MTUS2: variants seen among roughly 807,000 people sequenced by gnomAD.
The protein encoded by MTUS2 is microtubule associated scaffold protein 2.
Under a neutral mutation model 114.1 loss-of-function variants are expected in MTUS2, and 40 were observed. The ratio of observed to expected loss-of-function variants is 0.35; its 90% CI spans 0.27 to 0.46. The LOEUF (loss-of-function observed/expected upper bound fraction) is 0.46, where lower values mean the gene tolerates loss of function less well. MTUS2 is among the 20% of genes least tolerant of loss of function. MTUS2 has a pLI of 1.00. For synonymous variants in MTUS2, 688 were observed against 672.0 expected, an observed-to-expected ratio of 1.02 and a Z score of -0.37; for missense variants, 1,679 against 1,705.4, an observed-to-expected ratio of 0.98 and a Z score of 0.27.
rs143395846 is a variant in MTUS2, at chr13:28,923,132, C to T, written c.-243+83282C>T. On this transcript the variant is annotated intron_variant, in intron 2 of 15. Transcript: ENST00000612955. ...TCATTTCTGCTTCCTTATCGATCCC[C>T]GAATTAAAACAAATTCTGCTGTTGT... Among the ~76,000 whole-genome samples the T allele has an allele frequency of 2.0e-3, 299 of 152,134 alleles. 2 individuals carry two copies. Among genetic ancestry groups the T allele is most frequent in the African/African-American group, 6.5e-3 (269 of 41,496 alleles).
At position 28,935,422 on chromosome 13, in the gene MTUS2, C is replaced by T. The variant is rs563389737; in HGVS notation, c.-242-89035C>T. On this transcript the variant is annotated intron_variant, in intron 2 of 15. Transcript: ENST00000612955. ...TTGTACCAATTTACACTACTGTGAG[C>T]AGTGTTTGTACTTCTACTTGTTCTA... 3.3e-5 allele frequency among the ~76,000 whole-genome samples: 5 copies of T among 152,066 alleles called. 1 individual carries two copies. In the South Asian group the frequency reaches 1.0e-3, roughly 32 times the overall value.
chr13:29,116,787 C>G (rs1891107002), intron 5 of MTUS2, among the ~76,000 whole-genome samples: 1 of 152,036 alleles, frequency 6.6e-6, no homozygotes, highest in South Asian at 2.1e-4. Flanking sequence ...TCTCCCAGAC[C>G]AAGGGATGAT....
In MTUS2 at chr13:29,288,205, T is replaced by G. The variant is rs1414356; in HGVS notation, c.2806+6340T>G. ...TAAGTTGGAGATTTCCATGTGGAAT[T>G]CATGGGCTTATCCTTGTGGCTCTGG... On this transcript the variant is annotated intron_variant, in intron 6 of 15. Coordinates refer to ENST00000612955, the MANE Select transcript of MTUS2 (RefSeq NM_001033602.4). Among the ~76,000 whole-genome samples, 822 of 152,290 alleles carry G rather than the reference T, an allele frequency of 5.4e-3. 7 individuals are homozygous for G. The highest frequency in any genetic ancestry group is 0.019 in the African/African-American group (790 of 41,568).
chr13:29,411,579 T>C (rs1406861557), intron 8 of MTUS2, among the ~76,000 whole-genome samples: 1 of 152,216 alleles, frequency 6.6e-6, no homozygotes, highest in Non-Finnish European at 1.5e-5. Flanking sequence ...AAATGAACTT[T>C]AGTATCAATA....
intron 5 of MTUS2, among the ~76,000 whole-genome samples, chr13:29,172,154 C>A (rs975531085): frequency 6.6e-6 from 1 of 152,172 alleles, no homozygotes; most frequent in African/African-American, 2.4e-5. Context: ...GAGTCTATGT[C>A]TGGAATCTCA....
At chr13:29,321,803 T>TA in intron 6 of MTUS2, among the ~76,000 whole-genome samples, 1 of 152,352 alleles carries the variant, frequency 6.6e-6, no homozygotes, top group African/African-American at 2.4e-5. Flanking sequence ...AAAAGTTTGG[T>TA]ACCTTATCTT....
intron 5 of MTUS2, among the ~76,000 whole-genome samples, chr13:29,267,338 T>A (rs1897703654): frequency 6.6e-6 from 1 of 152,172 alleles, no homozygotes; most frequent in African/African-American, 2.4e-5. Flanking sequence ...CCTTCCAAAG[T>A]GGGTTTCCCC....
At chr13:29,178,007 A>G (rs1893845841) in intron 5 of MTUS2, among the ~76,000 whole-genome samples, 1 of 152,190 alleles carries the variant, frequency 6.6e-6, no homozygotes, top group Non-Finnish European at 1.5e-5. Flanking sequence ...GGGTCTTGGC[A>G]ACACATAAAA....
chr13:29,052,580 A>G (rs965652879), intron 4 of MTUS2, among the ~76,000 whole-genome samples: 4 of 152,188 alleles, frequency 2.6e-5, no homozygotes, highest in Non-Finnish European at 5.9e-5. Context: ...AAAGCCTCTG[A>G]ATGGCTTACT....
At chr13:28,846,409 C>T (rs1024979044) in intron 2 of MTUS2, among the ~76,000 whole-genome samples, 6 of 152,206 alleles carry the variant, frequency 3.9e-5, no homozygotes, top group East Asian at 1.9e-4. Context: ...TCAGTTCACT[C>T]AAGCGTTTTA....
intron 2 of MTUS2, among the ~76,000 whole-genome samples, chr13:29,019,794 T>C (rs1886218149): frequency 6.6e-6 from 1 of 152,246 alleles, no homozygotes; most frequent in African/African-American, 2.4e-5. Context: ...TGTGCATAGC[T>C]CTGGTCACCT....
intron 7 of MTUS2, among the ~76,000 whole-genome samples, chr13:29,340,040 G>T: frequency 6.6e-6 from 1 of 152,254 alleles, no homozygotes; most frequent in East Asian, 1.9e-4. Flanking sequence ...CTTGGTGACC[G>T]TTGGAATCAG....
chr13:29,342,870 G>A (rs1407185682), intron 7 of MTUS2, among the ~76,000 whole-genome samples: 1 of 152,020 alleles, frequency 6.6e-6, no homozygotes, highest in African/African-American at 2.4e-5. Flanking sequence ...AATCATAAAG[G>A]GATGGTGGAT....
intron 6 of MTUS2, among the ~76,000 whole-genome samples, chr13:29,295,532 T>C (rs1055009536): frequency 1.3e-5 from 2 of 152,218 alleles, no homozygotes; most frequent in African/African-American, 4.8e-5. Flanking sequence ...TTTATCTTTG[T>C]GTGCTTGGCT....
chr13:29,330,027 T>C (rs1265826007), intron 7 of MTUS2, among the ~76,000 whole-genome samples: 1 of 152,228 alleles, frequency 6.6e-6, no homozygotes, highest in African/African-American at 2.4e-5. Flanking sequence ...CACCACATTG[T>C]CTTCCACAAT....
chr13:29,428,926 C>A, intron 8 of MTUS2: 1 of 1,608,608 alleles, frequency 6.2e-7, no homozygotes, highest in East Asian at 2.2e-5. Flanking sequence ...TCTTCTTCCC[C>A]CTCCTCCTTT....
At chr13:28,852,721 C>T (rs1409098475) in intron 2 of MTUS2, among the ~76,000 whole-genome samples, 1 of 151,996 alleles carries the variant, frequency 6.6e-6, no homozygotes, top group Non-Finnish European at 1.5e-5. Flanking sequence ...AAAAATTAGC[C>T]AGGTGTGGTG....
At chr13:29,351,682 A>C (rs974012117) in intron 7 of MTUS2, among the ~76,000 whole-genome samples, 6 of 151,492 alleles carry the variant, frequency 4.0e-5, no homozygotes, top group African/African-American at 1.2e-4. Context: ...AGCTCACTTC[A>C]GCCTTGACCT....
At chr13:29,384,989 C>A (rs556126173) in intron 8 of MTUS2, among the ~76,000 whole-genome samples, 3 of 152,276 alleles carry the variant, frequency 2.0e-5, no homozygotes, top group African/African-American at 7.2e-5. Flanking sequence ...AATTTTAATC[C>A]TGATCCCATT....
Sources: allele counts gnomAD v4.1 joint callset (sites outside exome capture counted in the v4.1 genomes callset), GRCh38; gene constraint gnomAD v4.1.1; transcripts MANE v1.5; gene names NCBI Gene and HGNC (gene_info 2026-07-23, HGNC 2026-07-21).